Variants in EYS observed in about 807,000 individuals in gnomAD.
EYS encodes EGF-like photoreceptor maintenance factor, also known as protein eyes shut homolog.
A neutral mutation model predicts 282.1 loss-of-function variants in EYS; 250 were observed. That is an observed-to-expected ratio of 0.89 (90% CI 0.80 to 0.98). The LOEUF is 0.98. EYS is among the 50% of genes least tolerant of loss of function. The probability of loss-of-function intolerance (pLI) is 0.00; values close to 1 mark genes in which losing one functional copy is unlikely to be tolerated. For synonymous variants in EYS, 1,355 were observed against 1,282.9 expected, an observed-to-expected ratio of 1.06 and a Z score of -1.20; for missense variants, 4,016 against 3,709.0, an observed-to-expected ratio of 1.08 and a Z score of -2.15.
chr6:64,915,655 C>G (rs1272290854), intron 15 of EYS, among the ~76,000 whole-genome samples: 1 of 152,128 alleles, frequency 6.6e-6, no homozygotes, highest in Non-Finnish European at 1.5e-5. Flanking sequence ...CAATGTGTAT[C>G]TCAGCAATGA....
At chr6:65,004,834 T>C (rs1041449789) in intron 13 of EYS, among the ~76,000 whole-genome samples, 2 of 147,716 alleles carry the variant, frequency 1.4e-5, no homozygotes, top group Non-Finnish European at 3.0e-5. Flanking sequence ...AAGAAAGAAA[T>C]GTTATTTATG....
At chr6:63,905,036 C>T (rs916280675) in intron 35 of EYS, among the ~76,000 whole-genome samples, 3 of 152,320 alleles carry the variant, frequency 2.0e-5, no homozygotes, top group African/African-American at 7.2e-5. Context: ...ACACCATGCC[C>T]ATTAAGCAGT....
chr6:65,406,712 TA>T, intron 5 of EYS, among the ~76,000 whole-genome samples: 1 of 152,232 alleles, frequency 6.6e-6, no homozygotes, highest in African/African-American at 2.4e-5. Context: ...TAAAAACTGT[TA>T]AAACTGACCT....
At chr6:64,130,672 A>G (rs774271948) in intron 31 of EYS, among the ~76,000 whole-genome samples, 1 of 152,144 alleles carries the variant, frequency 6.6e-6, no homozygotes, top group African/African-American at 2.4e-5. Flanking sequence ...TGCCTTCCGA[A>G]CAAAGAGGGG....
chr6:64,047,484 A>C (rs962857744), intron 33 of EYS, among the ~76,000 whole-genome samples: 2 of 152,218 alleles, frequency 1.3e-5, no homozygotes, highest in African/African-American at 4.8e-5. Flanking sequence ...TGCAGAACTC[A>C]GGCATAAAAA....
chr6:65,168,331 C>T (rs1369919314), intron 12 of EYS, among the ~76,000 whole-genome samples: 1 of 151,154 alleles, frequency 6.6e-6, no homozygotes, highest in Admixed American at 6.6e-5. Context: ...GAGTCTTAGT[C>T]GATTTAGGGC....
At chr6:64,041,878 T>C (rs1770407499) in intron 33 of EYS, among the ~76,000 whole-genome samples, 1 of 152,226 alleles carries the variant, frequency 6.6e-6, no homozygotes, top group Admixed American at 6.5e-5. Flanking sequence ...GAATCCAAAG[T>C]AAATATGATC....
intron 18 of EYS, among the ~76,000 whole-genome samples, chr6:64,893,132 G>T (rs988698484): frequency 6.6e-6 from 1 of 152,056 alleles, no homozygotes; most frequent in Non-Finnish European, 1.5e-5. Context: ...TAGTAGCAAT[G>T]ACTTGAAAAG....
chr6:63,982,601 T>A (rs1767151063), intron 35 of EYS, among the ~76,000 whole-genome samples: 1 of 151,758 alleles, frequency 6.6e-6, no homozygotes, highest in Non-Finnish European at 1.5e-5. Context: ...AAAGAGATAA[T>A]CTCTTTGTAA....
chr6:65,071,682 C>T (rs1437117655), intron 12 of EYS, among the ~76,000 whole-genome samples: 5 of 151,738 alleles, frequency 3.3e-5, no homozygotes, highest in East Asian at 1.9e-4. Context: ...AATATGGCAT[C>T]GTATGGGCCT....
intron 26 of EYS, among the ~76,000 whole-genome samples, chr6:64,453,495 T>A (rs1392514477): frequency 1.3e-5 from 2 of 152,160 alleles, no homozygotes; most frequent in Non-Finnish European, 2.9e-5. Flanking sequence ...GACCCTGCCA[T>A]CCCATTACTG....
At chr6:63,816,312 A>C (rs1424927911) in intron 36 of EYS, among the ~76,000 whole-genome samples, 3 of 152,320 alleles carry the variant, frequency 2.0e-5, no homozygotes, top group African/African-American at 2.4e-5. Flanking sequence ...ACTACAAAAG[A>C]TGACTGGAAT....
Position 64,864,596 on chromosome 6 carries a change from C to T in EYS, c.2992+22101G>A, listed in dbSNP as rs185751688. Among the ~76,000 whole-genome samples the T allele has an allele frequency of 5.4e-4, 80 of 146,938 alleles. 1 individual carries two copies. The highest frequency in any genetic ancestry group is 1.9e-3 in the African/African-American group (74 of 39,990). On this transcript the variant is annotated intron_variant, in intron 19 of 42. Coordinates refer to ENST00000503581, the MANE Select transcript of EYS (RefSeq NM_001142800.2). ...AGATGGGGATTCACCATGTTGGCTACGATAGTCTCGATCTCCTGACCCTGT... is the reference window on the plus strand; with the variant it reads ...AGATGGGGATTCACCATGTTGGCTATGATAGTCTCGATCTCCTGACCCTGT...
At chr6:65,439,659 T>C (rs1331091702) in intron 5 of EYS, among the ~76,000 whole-genome samples, 1 of 152,164 alleles carries the variant, frequency 6.6e-6, no homozygotes, top group East Asian at 1.9e-4. Context: ...TTTTCTGTTA[T>C]TGGTGTATAA....
At chr6:64,384,839 C>T (rs1157330787) in intron 29 of EYS, among the ~76,000 whole-genome samples, 1 of 152,152 alleles carries the variant, frequency 6.6e-6, no homozygotes, top group African/African-American at 2.4e-5. Flanking sequence ...ACATCCTGAG[C>T]TCTGGGTGAT....
intron 35 of EYS, among the ~76,000 whole-genome samples, chr6:63,935,223 C>T (rs1765021245): frequency 6.6e-6 from 1 of 152,242 alleles, no homozygotes; most frequent in Non-Finnish European, 1.5e-5. Flanking sequence ...TTGTTCACTG[C>T]TGAATTTCCT....
chr6:63,848,481 T>C (rs1391383093), intron 36 of EYS, among the ~76,000 whole-genome samples: 5 of 151,648 alleles, frequency 3.3e-5, no homozygotes, highest in Non-Finnish European at 7.4e-5. Context: ...CCAACTGAGG[T>C]ACCCAGTTCA....
In EYS at chr6:64,742,633, G is replaced by A. The variant is rs553280052; in HGVS notation, c.3443+70745C>T. Among the ~76,000 whole-genome samples the A allele has an allele frequency of 1.1e-4, 17 of 152,288 alleles. 1 individual carries two copies. Among genetic ancestry groups the A allele is most frequent in the Admixed American group, 5.9e-4 (9 of 15,302 alleles). On this transcript the variant is annotated intron_variant, in intron 22 of 42. Coordinates refer to ENST00000503581, the MANE Select transcript of EYS (RefSeq NM_001142800.2). ...TAGAAAAATTTGGGAAGTGATGGATGTGGTTATGTCCCTGATGGTAGTGAT... is the reference window on the plus strand; with the variant it reads ...TAGAAAAATTTGGGAAGTGATGGATATGGTTATGTCCCTGATGGTAGTGAT...
At chr6:64,509,644 G>A (rs1346888865) in intron 26 of EYS, among the ~76,000 whole-genome samples, 2 of 152,098 alleles carry the variant, frequency 1.3e-5, no homozygotes, top group East Asian at 1.9e-4. Flanking sequence ...TAATTTCCCT[G>A]TAGTGAAAGA....
Sources: gnomAD v4.1 joint callset for allele counts (sites outside exome capture counted in the v4.1 genomes callset) on GRCh38, gnomAD v4.1.1 for gene constraint, MANE v1.5 for transcripts, NCBI Gene and HGNC (gene_info 2026-07-23, HGNC 2026-07-21) for gene names.